MAPK8IP3: variants seen among roughly 807,000 people sequenced by gnomAD.
MAPK8IP3 encodes mitogen-activated protein kinase 8 interacting protein 3.
MAPK8IP3 carries 49 observed loss-of-function variants against 157.8 expected under a neutral mutation model. That is an observed-to-expected ratio of 0.31 (90% CI 0.25 to 0.39). The LOEUF is 0.39. Ranked by LOEUF, MAPK8IP3 falls within the 10% of genes least tolerant of loss-of-function variation. The pLI is 1.00. For synonymous variants in MAPK8IP3, 897 were observed against 777.7 expected, an observed-to-expected ratio of 1.15 and a Z score of -2.55; for missense variants, 1,478 against 1,889.4, an observed-to-expected ratio of 0.78 and a Z score of 4.04.
At chr16:1,738,778 T>TCCGTGTGAGC (rs1370404892) in intron 4 of MAPK8IP3, among the ~76,000 whole-genome samples, 63 of 92,970 alleles carry the variant, frequency 6.8e-4, no homozygotes, top group African/African-American at 2.6e-3. Context: ...CGTGTGAGCG[T>TCCGTGTGAGC]GTGAGCGTCC....
At position 1,706,795 on chromosome 16, in the gene MAPK8IP3, G is replaced by A. The variant is rs997093105; in HGVS notation, c.318+138G>A. The A allele has an allele frequency of 5.0e-6, 4 of 797,422 alleles. No homozygotes were observed. Among genetic ancestry groups the A allele is most frequent in the African/African-American group, 1.0e-4 (2 of 20,004 alleles). 49.4% of individuals were successfully genotyped at this position (797,422 alleles called of 1,614,324 possible). ...CGGGACCCCTGGACCCCCAGACCCC[G>A]CCCCGAGACCCGCCTGGACCCCATA... is the stretch of plus-strand genomic sequence containing the variant. On this transcript the variant is annotated intron_variant, in intron 1 of 31. Transcript: ENST00000610761. This position sits in a 1 kb window ranked among gnomAD's most constrained non-coding sequence, Gnocchi z 5.1.
In MAPK8IP3 at chr16:1,768,370, C is replaced by T. The variant is rs1367045214; in HGVS notation, c.3734C>T (p.Ser1245Leu). ...CGCGATGCCGTGAAGTTCTTTGTCT[C>T]GGTGCCAGGTGAGGCTGGGCCCCTC... Reference protein sequence around the residue: ...GHRDAVKFFVSVPGNVLATLN... With the variant: ...GHRDAVKFFVLVPGNVLATLN... The change falls in exon 30 of 32, where the codon TCG (serine) becomes TTG (leucine). Residue 1245 changes from serine to leucine, a missense_variant. Physicochemically the swap from Ser to Leu is moderately radical, Grantham distance 145. This residue lies in a region of MAPK8IP3 where 133 missense variants were observed against 133.4 expected (regional missense o/e 1.00). Transcript: ENST00000610761. 4.4e-6 allele frequency: 7 copies of T among 1,600,574 alleles called. No homozygotes were observed. The highest frequency in any genetic ancestry group is 1.3e-5 in the African/African-American group (1 of 75,036).
At chr16:1,736,342 G>GTC in intron 4 of MAPK8IP3, among the ~76,000 whole-genome samples, 1 of 88,008 alleles carries the variant, frequency 1.1e-5, no homozygotes, top group Non-Finnish European at 2.2e-5. Context: ...ATCCGTGTGA[G>GTC]CGTGTGACCG....
Position 1,706,778 on chromosome 16 carries a change from C to G in MAPK8IP3, c.318+121C>G. The G allele has an allele frequency of 8.6e-7, 1 of 1,161,456 alleles. No homozygotes were observed. The highest frequency in any genetic ancestry group is 1.2e-6 in the Non-Finnish European group (1 of 860,834). The allele number at this position is 1,161,456 out of a possible 1,614,324, so 71.9% of individuals were successfully genotyped here. A position where few individuals can be genotyped will look rare whatever the true frequency, so the allele number is the denominator to read the frequency against. The stretch of plus-strand genomic sequence containing the variant: ...TCCGGCACCCCGGACCGCGGGACCC[C>G]TGGACCCCCAGACCCCGCCCCGAGA... On this transcript the variant is annotated intron_variant, in intron 1 of 31. Transcript: ENST00000610761. The surrounding 1 kb of genome is among the most constrained non-coding windows in gnomAD (Gnocchi z 5.1).
In MAPK8IP3 at chr16:1,729,329, C is replaced by T. The variant is rs1330367542; in HGVS notation, c.510+121C>T. On this transcript the variant is annotated intron_variant, in intron 3 of 31. Transcript: ENST00000610761. ...ATGTCCCTTTTCTAGCATTTGCTGC[C>T]AGGCTTGAAGGCTGTCAGCCCCAGG... The T allele has an allele frequency of 3.8e-6, 5 of 1,326,096 alleles. No individual in the cohort carries two copies. The African/African-American group carries it at 7.2e-5, about 19-fold the overall frequency. 82.1% of individuals were successfully genotyped at this position (1,326,096 alleles called of 1,614,324 possible). A position where few individuals can be genotyped will look rare whatever the true frequency, so the allele number is the denominator to read the frequency against.
intron 1 of MAPK8IP3, among the ~76,000 whole-genome samples, chr16:1,721,761 G>A (rs1385465444): frequency 4.0e-5 from 6 of 149,674 alleles, no homozygotes; most frequent in Admixed American, 6.7e-5. Flanking sequence ...TTGTTTTTTC[G>A]TTTTGTTTTG....
chr16:1,726,593 T>C (rs2038893698), intron 2 of MAPK8IP3, among the ~76,000 whole-genome samples: 1 of 152,118 alleles, frequency 6.6e-6, no homozygotes, highest in African/African-American at 2.4e-5. Flanking sequence ...AGAGGATTGC[T>C]CAAACCCAGG....
chr16:1,727,307 TGTCGTGTGCTGTGTGCGGCGTCTGTGTGA>T (rs1243261970), intron 2 of MAPK8IP3, among the ~76,000 whole-genome samples: 5 of 150,448 alleles, frequency 3.3e-5, no homozygotes, highest in Admixed American at 6.6e-5. Context: ...TCTGTGTGAG[TGTCGTGTGCTGTGTGCGGCGTCTGTGTGA>T]GTCGTGTGCT....
intron 4 of MAPK8IP3, among the ~76,000 whole-genome samples, chr16:1,736,502 G>C (rs1177871969): frequency 3.2e-5 from 2 of 63,326 alleles, no homozygotes; most frequent in Non-Finnish European, 5.7e-5. Context: ...GTCCGTGTGA[G>C]CGTGTGACCG....
chr16:1,759,685 A>G (rs1267724395), intron 10 of MAPK8IP3, among the ~76,000 whole-genome samples: 1 of 152,174 alleles, frequency 6.6e-6, no homozygotes, highest in Non-Finnish European at 1.5e-5. Flanking sequence ...CTGAGATGGC[A>G]GCCCAGCGGC....
rs944382494 is a variant in MAPK8IP3, at chr16:1,766,052, A to G, written c.2539A>G (p.Ile847Val). Residue 847 changes from isoleucine (I) to valine (V), a missense_variant, in exon 21 of 32, where the codon ATC becomes GTC. By Grantham distance (29) the Ile-to-Val change is conservative (BLOSUM62 3). Around this residue, in one of 11 missense-constraint regions of MAPK8IP3, gnomAD observed 669 missense variants for 759.8 expected, o/e 0.88. Coordinates refer to ENST00000610761, the MANE Select transcript of MAPK8IP3 (RefSeq NM_001318852.2). ...DPGADGVLAG[I>V]TLVGCATRCN... ...GGGCGCAGATGGCGTGCTGGCCGGT[A>G]TCACCCTGGTGGGCTGTGCCACCCG... 2 of 1,612,708 alleles carry G rather than the reference A, an allele frequency of 1.2e-6. No individual in the cohort carries two copies. Among genetic ancestry groups the G allele is most frequent in the Non-Finnish European group, 1.7e-6 (2 of 1,179,964 alleles).
chr16:1,770,245 T>G lies in MAPK8IP3; in HGVS notation c.*1421T>G. ...GGGGCGGCTGGGGGAGGGGTGACGA[T>G]TCTCCTCAGGCTTTGGCCCTGCAAG... On this transcript the variant is annotated 3_prime_UTR_variant, in exon 32 of 32. Coordinates refer to ENST00000610761, the MANE Select transcript of MAPK8IP3 (RefSeq NM_001318852.2). 1.2e-5 allele frequency: 2 copies of G among 166,750 alleles called. No individual in the cohort carries two copies. Among genetic ancestry groups the G allele is most frequent in the Non-Finnish European group, 1.3e-5 (1 of 77,970 alleles). 10.3% of individuals were successfully genotyped at this position (166,750 alleles called of 1,614,324 possible).
rs758272191 is a variant in MAPK8IP3, at chr16:1,762,970, C to T, written c.1862C>T (p.Ser621Leu). ...QRRNHAMCPI[S>L]AGSRPLEFFP... ...CGCAACCATGCCATGTGCCCGATCT[C>T]GGCAGGCAGCCGGCCCCTGGAATTC... is the stretch of plus-strand genomic sequence containing the variant. Residue 621 changes from serine (S) to leucine (L), a missense_variant, in exon 16 of 32, where the codon TCG (serine) becomes TTG (leucine). Transcript: ENST00000610761. 6 of 1,612,934 alleles carry T rather than the reference C, an allele frequency of 3.7e-6. No individual in the cohort carries two copies. The South Asian group carries it at 4.4e-5, about 12-fold the overall frequency.
At chr16:1,719,656 A>AC (rs1189587665) in intron 1 of MAPK8IP3, among the ~76,000 whole-genome samples, 4 of 107,276 alleles carry the variant, frequency 3.7e-5, no homozygotes, top group Admixed American at 1.1e-4. Flanking sequence ...ACATAGGGAG[A>AC]CCCCATCTCT....
Position 1,724,464 on chromosome 16 carries a change from C to G in MAPK8IP3, c.319-93C>G. On this transcript the variant is annotated intron_variant, in intron 1 of 31. Coordinates refer to ENST00000610761, the MANE Select transcript of MAPK8IP3 (RefSeq NM_001318852.2). This position sits in a 1 kb window ranked among gnomAD's most constrained non-coding sequence, Gnocchi z 4.1. ...TGTGGCCCTGGGGACATCTTTGGCC[C>G]CTGGGCCCTCAAAGCCTGCGGCCCT... 6.6e-7 allele frequency: 1 copy of G among 1,512,956 alleles called. No homozygotes were observed. Among genetic ancestry groups the G allele is most frequent in the Non-Finnish European group, 8.9e-7 (1 of 1,123,002 alleles). The allele number at this position is 1,512,956 out of a possible 1,614,324, so 93.7% of individuals were successfully genotyped here.
intron 4 of MAPK8IP3, among the ~76,000 whole-genome samples, chr16:1,737,753 CGTGT>C (rs557447430): frequency 2.2e-4 from 6 of 27,358 alleles, no homozygotes; most frequent in African/African-American, 1.5e-3. Flanking sequence ...CGTGACCATC[CGTGT>C]GTGTGACCAT....
At chr16:1,764,611 C>T in intron 19 of MAPK8IP3, 152 bp downstream of exon 19, 1 of 1,155,032 alleles carries the variant, frequency 8.7e-7, no homozygotes, top group Non-Finnish European at 1.2e-6. Flanking sequence ...GAAGCAGTGT[C>T]TTCCCTCACC....
chr16:1,762,603 G>A (rs924992954), intron 14 of MAPK8IP3, 72 bp from the exon 15 acceptor site: 55 of 1,546,258 alleles, frequency 3.6e-5, no homozygotes, highest in Middle Eastern at 1.7e-4. Context: ...GCTTCCTGGC[G>A]GGAGCCAGAG....
At chr16:1,740,347 C>T (rs949087038) in intron 4 of MAPK8IP3, among the ~76,000 whole-genome samples, 11 of 137,820 alleles carry the variant, frequency 8.0e-5, no homozygotes, top group African/African-American at 1.9e-4. Flanking sequence ...TGTGAGCCTC[C>T]GTGTGAGCGT....
Sources: gnomAD v4.1 joint callset for allele counts (sites outside exome capture counted in the v4.1 genomes callset) on GRCh38, gnomAD v4.1.1 for gene constraint, gnomAD v4.1.1 regional missense constraint, Gnocchi (gnomAD v3.1) non-coding constraint, MANE v1.5 for transcripts, NCBI Gene and HGNC (gene_info 2026-07-23, HGNC 2026-07-21) for gene names.